VEGFD: variants seen among roughly 807,000 people sequenced by gnomAD.
VEGFD encodes the protein c-fos induced growth factor (vascular endothelial growth factor D).
VEGFD carries 26 observed loss-of-function variants against 28.0 expected under a neutral mutation model. The observed-to-expected ratio is 0.93, with a 90% CI of 0.68 to 1.29. The LOEUF (loss-of-function observed/expected upper bound fraction) is 1.29. Among genes scored for constraint, VEGFD ranks in the 50% most tolerant of loss-of-function variants. The pLI is 0.00. For synonymous variants in VEGFD, 93 were observed against 95.5 expected, an observed-to-expected ratio of 0.97 and a Z score of 0.15; for missense variants, 294 against 273.4, an observed-to-expected ratio of 1.08 and a Z score of -0.53.
At position 15,355,244 on chromosome X, in the gene VEGFD, C is replaced by T; in HGVS notation, c.547G>A (p.Val183Ile). Reference sequence around the variant, plus strand: ...CACTTACAACCTGTATGATTGGCAACTTTAACAGGCACTAATTCAGGTACT... The same window carrying T: ...CACTTACAACCTGTATGATTGGCAATTTTAACAGGCACTAATTCAGGTACT... ...TSVPELVPVKVANHTGCKCLP... is the reference protein window; with the variant it reads ...TSVPELVPVKIANHTGCKCLP... Residue 183 changes from valine (V) to isoleucine (I), a missense_variant, in exon 4 of 7, where the codon GTT (valine) becomes ATT (isoleucine). Val to Ile is a conservative substitution (Grantham distance 29). Transcript: ENST00000297904. The T allele has an allele frequency of 8.3e-7, 1 of 1,204,138 alleles. No individual in the cohort carries two copies. Among genetic ancestry groups the T allele is most frequent in the South Asian group, 1.8e-5 (1 of 55,097 alleles).
chrX:15,378,347 T>A (rs150613098), intron 1 of VEGFD, among the ~76,000 whole-genome samples: 2,008 of 111,977 alleles, frequency 0.018, 39 homozygotes, highest in African/African-American at 0.062. Context: ...TGCTTTAGAA[T>A]TTTTTTTAAA....
intron 1 of VEGFD, among the ~76,000 whole-genome samples, chrX:15,373,648 G>T (rs954988730): frequency 2.7e-5 from 3 of 111,441 alleles, no homozygotes; most frequent in Non-Finnish European, 5.6e-5. Context: ...GTGTTCCCTG[G>T]GGGGCGTGGT....
chrX:15,383,240 T>C (rs1329879117), intron 1 of VEGFD, among the ~76,000 whole-genome samples: 1 of 112,325 alleles, frequency 8.9e-6, no homozygotes, highest in East Asian at 2.8e-4. Flanking sequence ...ACATTCTGGT[T>C]AATTTTTTGC....
chrX:15,354,540 C>T lies in VEGFD; in HGVS notation c.641+610G>A, dbSNP rs188914653. 3.0e-3 allele frequency among the ~76,000 whole-genome samples: 330 copies of T among 111,143 alleles called. 3 individuals carry two copies. Among genetic ancestry groups the T allele is most frequent in the African/African-American group, 0.011 (325 of 30,569 alleles). On this transcript the variant is annotated intron_variant, in intron 4 of 6. Coordinates refer to ENST00000297904, the MANE Select transcript of VEGFD (RefSeq NM_004469.5). ...TTTACTTGTTTCTTTATATTAAATC[C>T]TTTTTTTTCTTCAAATAAGTGATCC...
At chrX:15,359,036 A>T (rs888201108) in intron 2 of VEGFD, among the ~76,000 whole-genome samples, 2 of 111,323 alleles carry the variant, frequency 1.8e-5, no homozygotes, top group Non-Finnish European at 3.8e-5. Context: ...CTTGCCATGG[A>T]ACTGTAGAGT....
At chrX:15,372,588 T>A (rs750065992) in intron 1 of VEGFD, among the ~76,000 whole-genome samples, 1 of 111,060 alleles carries the variant, frequency 9.0e-6, no homozygotes, top group South Asian at 3.8e-4. Flanking sequence ...GCCATCAGGA[T>A]TTTTTAAAAA....
At chrX:15,365,096 C>A (rs1044398739) in intron 1 of VEGFD, among the ~76,000 whole-genome samples, 2 of 112,161 alleles carry the variant, frequency 1.8e-5, no homozygotes, top group Non-Finnish European at 3.8e-5. Context: ...ATATGAGGAA[C>A]ATCTGGAGAC....
intron 5 of VEGFD, among the ~76,000 whole-genome samples, chrX:15,351,028 T>A (rs1256349281): frequency 2.4e-5 from 1 of 41,270 alleles, no homozygotes; most frequent in Admixed American, 2.9e-4. Flanking sequence ...TGCCCAGCTA[T>A]TTTTTTTTTT....
At chrX:15,355,127 A>T (rs773619241) in intron 4 of VEGFD, 23 bp downstream of exon 4, 13 of 1,135,495 alleles carry the variant, frequency 1.1e-5, no homozygotes, top group South Asian at 6.7e-5. Flanking sequence ...ATCCAGTATA[A>T]AAAAAAAAAC....
rs1050948642 is a variant in VEGFD at position 15,347,601 on chromosome X, T to A, written c.743-242A>T. 2.2e-5 allele frequency: 6 copies of A among 270,845 alleles called. No individual in the cohort carries two copies. The East Asian group carries it at 2.8e-4, about 13-fold the overall frequency. The allele number at this position is 270,845 out of a possible 1,213,427, so 22.3% of individuals were successfully genotyped here. Reference sequence around the variant, plus strand: ...TTTAAAATATCATAAGCTGAATATTTTTCATAAAATATTTTTAGAGATTTT... The same window carrying A: ...TTTAAAATATCATAAGCTGAATATTATTCATAAAATATTTTTAGAGATTTT... On this transcript the variant is annotated intron_variant, in intron 5 of 6. Coordinates refer to ENST00000297904, the MANE Select transcript of VEGFD (RefSeq NM_004469.5).
intron 1 of VEGFD, among the ~76,000 whole-genome samples, chrX:15,375,787 C>T (rs953376118): frequency 4.5e-5 from 5 of 111,110 alleles, no homozygotes; most frequent in African/African-American, 1.6e-4. Context: ...TACTAGGGGA[C>T]TAAATGCCTG....
At chrX:15,367,669 T>C (rs755657348) in intron 1 of VEGFD, among the ~76,000 whole-genome samples, 26 of 111,085 alleles carry the variant, frequency 2.3e-4, no homozygotes, top group Admixed American at 2.1e-3. Flanking sequence ...TATCCAAAAA[T>C]ACAAGGCCAG....
At chrX:15,350,279 C>T (rs1794658774) in intron 5 of VEGFD, among the ~76,000 whole-genome samples, 1 of 111,621 alleles carries the variant, frequency 9.0e-6, no homozygotes, top group African/African-American at 3.3e-5. Flanking sequence ...GTTCTCTCAC[C>T]TCCAGCCCTG....
At chrX:15,348,115 G>A (rs898496217) in intron 5 of VEGFD, among the ~76,000 whole-genome samples, 1 of 112,179 alleles carries the variant, frequency 8.9e-6, no homozygotes, top group African/African-American at 3.2e-5. Context: ...TTGGAGGGAC[G>A]TACATGTTTA....
chrX:15,346,078 T>C lies in VEGFD; in HGVS notation c.*55A>G. 4.2e-6 allele frequency: 5 copies of C among 1,176,753 alleles called. No homozygotes were observed. Among genetic ancestry groups the C allele is most frequent in the Non-Finnish European group, 5.7e-6 (5 of 877,218 alleles). The stretch of plus-strand genomic sequence containing the variant: ...TGGGAAAAAAACAGTGACAGCAACT[T>C]GGCAAAGCAGCATGCTGTTAAAAAT... On this transcript the variant is annotated 3_prime_UTR_variant, in exon 7 of 7. Transcript: ENST00000297904.
At position 15,346,146 on chromosome X, in the gene VEGFD, C is replaced by T. The variant is rs151081822; in HGVS notation, c.1052G>A (p.Arg351Gln). 37 of 1,208,870 alleles carry T rather than the reference C, an allele frequency of 3.1e-5. No individual in the cohort carries two copies. The African/African-American group carries it at 3.7e-4, about 12-fold the overall frequency. Residue 351 changes from arginine (R) to glutamine (Q), a missense_variant, in exon 7 of 7, where the codon CGA becomes CAA. Coordinates refer to ENST00000297904, the MANE Select transcript of VEGFD (RefSeq NM_004469.5). Reference sequence around the variant, plus strand: ...TGGAACGCTGAATCAAGGATTCTTTCGGCTGTGGGGCCCCTGGGCAGCCCT... The same window carrying T: ...TGGAACGCTGAATCAAGGATTCTTTTGGCTGTGGGGCCCCTGGGCAGCCCT... Reference protein sequence around the residue: ...EKRAAQGPHSRKNP With the variant: ...EKRAAQGPHSQKNP
At chrX:15,377,806 T>C (rs1923474082) in intron 1 of VEGFD, among the ~76,000 whole-genome samples, 1 of 111,183 alleles carries the variant, frequency 9.0e-6, no homozygotes, top group African/African-American at 3.3e-5. Context: ...TCATAGTGAT[T>C]CCTAACATTC....
At chrX:15,379,577 T>G (rs1323789953) in intron 1 of VEGFD, among the ~76,000 whole-genome samples, 1 of 111,982 alleles carries the variant, frequency 8.9e-6, no homozygotes, top group East Asian at 2.8e-4. Flanking sequence ...GAAGAAATGC[T>G]TCCATGTCAT....
At chrX:15,381,685 A>T (rs1320731833) in intron 1 of VEGFD, among the ~76,000 whole-genome samples, 2 of 111,579 alleles carry the variant, frequency 1.8e-5, no homozygotes, top group Non-Finnish European at 3.8e-5. Flanking sequence ...TTGGGGAAAA[A>T]AGAAAACTAT....
Sources: allele counts gnomAD v4.1 joint callset (sites outside exome capture counted in the v4.1 genomes callset), GRCh38; gene constraint gnomAD v4.1.1; transcripts MANE v1.5; gene names NCBI Gene and HGNC (gene_info 2026-07-23, HGNC 2026-07-21).